The following IQGAP2 variants were observed in gnomAD, a reference collection of about 807,000 sequenced individuals.
IQGAP2 encodes the protein ras GTPase-activating-like protein IQGAP2.
IQGAP2 carries 173 observed loss-of-function variants against 201.3 expected under a neutral mutation model. That is an observed-to-expected ratio of 0.86 (90% CI 0.76 to 0.98). The LOEUF is 0.98. Ranked by LOEUF, IQGAP2 falls within the 50% of genes least tolerant of loss-of-function variation. The probability of loss-of-function intolerance (pLI) is 0.00; values close to 1 mark genes in which losing one functional copy is unlikely to be tolerated. For missense variants in IQGAP2, 1,687 were observed against 1,864.8 expected, an observed-to-expected ratio of 0.90 and a Z score of 1.76; for synonymous variants, 675 against 673.9, an observed-to-expected ratio of 1.00 and a Z score of -0.03.
chr5:76,452,307 A>G (rs1369713193), intron 1 of IQGAP2, among the ~76,000 whole-genome samples: 1 of 150,034 alleles, frequency 6.7e-6, no homozygotes, highest in Non-Finnish European at 1.5e-5. Flanking sequence ...TTTGTTACAT[A>G]TGTATACATG....
chr5:76,644,900 G>A (rs1286200625), intron 17 of IQGAP2, among the ~76,000 whole-genome samples: 22 of 152,128 alleles, frequency 1.4e-4, no homozygotes, highest in Admixed American at 1.4e-3. Context: ...TGCAGAATGT[G>A]CAGGTTTGTT....
chr5:76,456,594 T>C (rs1238067360), intron 1 of IQGAP2, among the ~76,000 whole-genome samples: 2 of 152,216 alleles, frequency 1.3e-5, no homozygotes, highest in African/African-American at 4.8e-5. Flanking sequence ...CTTTGATGTA[T>C]AAATGCCATC....
intron 2 of IQGAP2, among the ~76,000 whole-genome samples, chr5:76,477,180 CA>C (rs543226568): frequency 1.8e-4 from 26 of 145,028 alleles, no homozygotes; most frequent in Middle Eastern, 3.6e-3. Flanking sequence ...GCACAAAATA[CA>C]AAAAAAAAAA....
intron 1 of IQGAP2, among the ~76,000 whole-genome samples, chr5:76,446,240 C>CT (rs1753385754): frequency 6.6e-6 from 1 of 152,080 alleles, no homozygotes; most frequent in South Asian, 2.1e-4. Context: ...AATATTATGT[C>CT]TAAGTTTTTG....
intron 2 of IQGAP2, among the ~76,000 whole-genome samples, chr5:76,531,636 T>C (rs1759302128): frequency 6.6e-6 from 1 of 152,226 alleles, no homozygotes; most frequent in Admixed American, 6.5e-5. Flanking sequence ...TATAGAAGGC[T>C]CTGTTCCTCG....
chr5:76,686,703 G>A (rs1276728328), intron 30 of IQGAP2, among the ~76,000 whole-genome samples: 1 of 152,074 alleles, frequency 6.6e-6, no homozygotes, highest in African/African-American at 2.4e-5. Context: ...TAGAGACGGA[G>A]TTTCATCATG....
intron 13 of IQGAP2, chr5:76,617,746 G>C (rs773021486): frequency 1.2e-6 from 2 of 1,613,822 alleles, no homozygotes; most frequent in South Asian, 2.2e-5. Flanking sequence ...TGAATAATAA[G>C]AATAATATTG....
At chr5:76,503,160 TTTTCTTTTCTTTTC>T (rs1307927820) in intron 2 of IQGAP2, among the ~76,000 whole-genome samples, 2 of 128,096 alleles carry the variant, frequency 1.6e-5, no homozygotes, top group Non-Finnish European at 3.3e-5. Flanking sequence ...TTCCTTTTCT[TTTTCTTTTCTTTTC>T]TTTTTTTTTT....
At chr5:76,527,862 T>A (rs1206474374) in intron 2 of IQGAP2, among the ~76,000 whole-genome samples, 1 of 152,236 alleles carries the variant, frequency 6.6e-6, no homozygotes, top group African/African-American at 2.4e-5. Flanking sequence ...TAAGCTCACA[T>A]TGTATCCTGT....
At chr5:76,551,324 T>C (rs1039268596) in intron 2 of IQGAP2, among the ~76,000 whole-genome samples, 2 of 147,940 alleles carry the variant, frequency 1.4e-5, no homozygotes, top group Admixed American at 6.7e-5. Flanking sequence ...GCTCCTCACT[T>C]CCTAGATGGG....
At chr5:76,594,705 A>G (rs4397115) in intron 9 of IQGAP2, among the ~76,000 whole-genome samples, 68,713 of 151,958 alleles carry the variant, frequency 0.45, 16,522 homozygotes, top group African/African-American at 0.59. Flanking sequence ...AGTGGCTCAC[A>G]CCTGTAATCC....
intron 13 of IQGAP2, chr5:76,623,465 T>C (rs777142949): frequency 4.4e-5 from 23 of 524,814 alleles, no homozygotes; most frequent in Non-Finnish European, 7.1e-5. Flanking sequence ...ACGTGTTACG[T>C]TATCCCTGGA....
At chr5:76,688,760 T>C (rs1157712870) in intron 30 of IQGAP2, among the ~76,000 whole-genome samples, 1 of 152,182 alleles carries the variant, frequency 6.6e-6, no homozygotes, top group Admixed American at 6.5e-5. Flanking sequence ...CATGTGCATA[T>C]ATATATATTA....
In IQGAP2 at chr5:76,403,520, CG is replaced by C. The variant is rs747901975; in HGVS notation, c.-23del. 1 of 1,467,402 alleles carries C rather than the reference CG, an allele frequency of 6.8e-7. No individual in the cohort carries two copies. The allele number at this position is 1,467,402 out of a possible 1,614,324, so 90.9% of individuals were successfully genotyped here. A position where few individuals can be genotyped will look rare whatever the true frequency, so the allele number is the denominator to read the frequency against. ...GAGGGTAGCCGCGGGGGGCGCGCCC[CG>C]GGCGGGCCCCCGGAGACGCGCAGGA... On this transcript the variant is annotated 5_prime_UTR_variant, in exon 1 of 36. Coordinates refer to ENST00000274364, the MANE Select transcript of IQGAP2 (RefSeq NM_006633.5). This position sits in a 1 kb window ranked among gnomAD's most constrained non-coding sequence, Gnocchi z 4.8.
At position 76,707,556 on chromosome 5, in the gene IQGAP2, G is replaced by C; in HGVS notation, c.*243G>C. 2.8e-6 allele frequency: 1 copy of C among 354,676 alleles called. No homozygotes were observed. Among genetic ancestry groups the C allele is most frequent in the East Asian group, 5.3e-5 (1 of 18,724 alleles). 22.0% of individuals were successfully genotyped at this position (354,676 alleles called of 1,614,324 possible). The stretch of plus-strand genomic sequence containing the variant: ...CACTGTACTGTGATATAGGTACTCT[G>C]ATTTAAAACTTTGGACATCCTGTGA... On this transcript the variant is annotated 3_prime_UTR_variant, in exon 36 of 36. Coordinates refer to ENST00000274364, the MANE Select transcript of IQGAP2 (RefSeq NM_006633.5).
At chr5:76,646,274 T>A (rs1349745260) in intron 17 of IQGAP2, among the ~76,000 whole-genome samples, 1 of 152,158 alleles carries the variant, frequency 6.6e-6, no homozygotes, top group Admixed American at 6.5e-5. Context: ...TCAGAGAATT[T>A]TGCCCATCTC....
At chr5:76,463,823 C>T (rs541144020) in intron 2 of IQGAP2, among the ~76,000 whole-genome samples, 1 of 151,812 alleles carries the variant, frequency 6.6e-6, no homozygotes, top group South Asian at 2.1e-4. Flanking sequence ...TTTATTAAGA[C>T]ACAAATACTT....
At chr5:76,523,597 A>G (rs1455169213) in intron 2 of IQGAP2, among the ~76,000 whole-genome samples, 1 of 152,170 alleles carries the variant, frequency 6.6e-6, no homozygotes, top group East Asian at 1.9e-4. Context: ...GTGTGGAGGA[A>G]TTTCTAATCT....
intron 13 of IQGAP2, among the ~76,000 whole-genome samples, chr5:76,613,397 A>T (rs376133269): frequency 2.0e-5 from 3 of 152,208 alleles, no homozygotes; most frequent in East Asian, 1.9e-4. Context: ...CAAATTAGTT[A>T]TGTGATCTTG....
Sources: allele counts gnomAD v4.1 joint callset (sites outside exome capture counted in the v4.1 genomes callset), GRCh38; gene constraint gnomAD v4.1.1; non-coding constraint Gnocchi (gnomAD v3.1); transcripts MANE v1.5; gene names NCBI Gene and HGNC (gene_info 2026-07-23, HGNC 2026-07-21).